ZBTB20: variants seen among roughly 807,000 people sequenced by gnomAD.
ZBTB20 encodes the protein zinc finger and BTB domain containing 20, also known as zinc finger and BTB domain-containing protein 20.
ZBTB20 carries 9 observed loss-of-function variants against 56.9 expected under a neutral mutation model. The observed-to-expected ratio is 0.16, with a 90% confidence interval of 0.10 to 0.28. The LOEUF (loss-of-function observed/expected upper bound fraction) is 0.28, where lower values mean the gene tolerates loss of function less well. ZBTB20 is among the 10% of genes least tolerant of loss of function. The pLI, the probability that ZBTB20 is intolerant of heterozygous loss-of-function variation, is 1.00. For synonymous variants in ZBTB20, 417 were observed against 420.7 expected (o/e 0.99, Z 0.11); for missense variants, 655 against 1,003.0 (o/e 0.65, Z 4.69).
At chr3:114,861,398 T>G (rs921747122) in intron 4 of ZBTB20, among the ~76,000 whole-genome samples, 10 of 152,188 alleles carry the variant, frequency 6.6e-5, no homozygotes, top group South Asian at 2.1e-4. Flanking sequence ...CACTATATAT[T>G]TGTCAAATAA....
intron 5 of ZBTB20, among the ~76,000 whole-genome samples, chr3:114,703,843 C>T (rs900391311): frequency 2.6e-5 from 4 of 152,090 alleles, no homozygotes; most frequent in Middle Eastern, 3.2e-3. Context: ...TACTGTAGAA[C>T]GAAACCAACT....
chr3:114,527,875 G>C (rs2047411045), intron 6 of ZBTB20, among the ~76,000 whole-genome samples: 1 of 152,044 alleles, frequency 6.6e-6, no homozygotes, highest in Non-Finnish European at 1.5e-5. Flanking sequence ...GTACACAGTA[G>C]AGTTTTCATT....
At chr3:114,523,452 A>G (rs2046866391) in intron 6 of ZBTB20, among the ~76,000 whole-genome samples, 1 of 152,166 alleles carries the variant, frequency 6.6e-6, no homozygotes, top group South Asian at 2.1e-4. Flanking sequence ...TATGGTTTAT[A>G]AGGGTATTTT....
intron 7 of ZBTB20, among the ~76,000 whole-genome samples, chr3:114,490,042 T>A (rs552798763): frequency 2.0e-5 from 3 of 152,280 alleles, no homozygotes; most frequent in African/African-American, 7.2e-5. Flanking sequence ...TATAGTACCC[T>A]GGTACGTTTC....
intron 5 of ZBTB20, among the ~76,000 whole-genome samples, chr3:114,741,549 T>C (rs1397599356): frequency 6.6e-6 from 1 of 152,130 alleles, no homozygotes. Flanking sequence ...AAAAATTTGT[T>C]ACCTACTCAT....
intron 2 of ZBTB20, among the ~76,000 whole-genome samples, chr3:115,030,010 T>C (rs183157291): frequency 4.7e-4 from 71 of 151,174 alleles, no homozygotes; most frequent in African/African-American, 1.6e-3. Flanking sequence ...CAGAGTATCA[T>C]ATAGCAGCTG....
At chr3:114,988,014 CTTCTT>C (rs2078620531) in intron 2 of ZBTB20, among the ~76,000 whole-genome samples, 1 of 149,760 alleles carries the variant, frequency 6.7e-6, no homozygotes, top group African/African-American at 2.5e-5. Context: ...TCCCTATCGT[CTTCTT>C]TTTTTTTCTT....
intron 1 of ZBTB20, among the ~76,000 whole-genome samples, chr3:115,139,006 T>C (rs2084734710): frequency 6.6e-6 from 1 of 152,058 alleles, no homozygotes; most frequent in Non-Finnish European, 1.5e-5. Context: ...TTTGCATGCA[T>C]TGAAGCATTC....
intron 2 of ZBTB20, among the ~76,000 whole-genome samples, chr3:115,040,709 G>T (rs1560517425): frequency 6.6e-6 from 1 of 152,100 alleles, no homozygotes; most frequent in Non-Finnish European, 1.5e-5. Flanking sequence ...ACAAAGAAAT[G>T]TTTTCAAGTA....
chr3:114,797,736 T>G (rs1320596830), intron 5 of ZBTB20, among the ~76,000 whole-genome samples: 1 of 151,924 alleles, frequency 6.6e-6, no homozygotes, highest in African/African-American at 2.4e-5. Context: ...GGTATCACCA[T>G]GTCTCGATTC....
chr3:114,818,037 A>C (rs2073042124), intron 4 of ZBTB20, among the ~76,000 whole-genome samples: 1 of 152,184 alleles, frequency 6.6e-6, no homozygotes, highest in African/African-American at 2.4e-5. Context: ...GAGTTGCCCC[A>C]ATATCACATA....
Position 115,096,970 on chromosome 3 carries a change from A to G in ZBTB20, c.-702-25556T>C, listed in dbSNP as rs542385170. Among the ~76,000 whole-genome samples, 12 of 152,334 alleles carry G rather than the reference A, an allele frequency of 7.9e-5. 1 individual carries two copies. In the East Asian group the frequency reaches 1.7e-3, roughly 22 times the overall value. On this transcript the variant is annotated intron_variant, in intron 1 of 11. Coordinates refer to ENST00000675478, the MANE Select transcript of ZBTB20 (RefSeq NM_001348800.3). Reference sequence around the variant, plus strand: ...TGCAGCTGCTATCCTTTTGATGAATATAGGCTTCTGGAGATAAAAATGTGC... The same window carrying G: ...TGCAGCTGCTATCCTTTTGATGAATGTAGGCTTCTGGAGATAAAAATGTGC...
chr3:115,124,391 T>C (rs942496507), intron 1 of ZBTB20, among the ~76,000 whole-genome samples: 4 of 152,196 alleles, frequency 2.6e-5, no homozygotes, highest in Non-Finnish European at 5.9e-5. Flanking sequence ...ACAAAGCAGT[T>C]ACTGTAAGAA....
At chr3:114,903,336 G>A (rs1271191133) in intron 3 of ZBTB20, among the ~76,000 whole-genome samples, 1 of 152,064 alleles carries the variant, frequency 6.6e-6, no homozygotes, top group Non-Finnish European at 1.5e-5. Context: ...CCAGCCATGA[G>A]GTAAGCATTT....
chr3:114,955,007 A>G (rs2077198493), intron 3 of ZBTB20, among the ~76,000 whole-genome samples: 1 of 152,200 alleles, frequency 6.6e-6, no homozygotes. Context: ...TCTGCCAAGT[A>G]GAACTTTGAA....
intron 3 of ZBTB20, among the ~76,000 whole-genome samples, chr3:114,901,927 T>C (rs2075136725): frequency 6.6e-6 from 1 of 152,120 alleles, no homozygotes; most frequent in Non-Finnish European, 1.5e-5. Flanking sequence ...TAGTTAATTA[T>C]CTACAATAAG....
chr3:114,927,203 C>A (rs528755963), intron 3 of ZBTB20, among the ~76,000 whole-genome samples: 17 of 152,252 alleles, frequency 1.1e-4, no homozygotes, highest in African/African-American at 3.1e-4. Context: ...AGAATGCAAC[C>A]ATTTGTTTCT....
At chr3:114,559,658 C>T (rs987222896) in intron 6 of ZBTB20, among the ~76,000 whole-genome samples, 12 of 152,132 alleles carry the variant, frequency 7.9e-5, no homozygotes, top group African/African-American at 2.9e-4. Context: ...TTCTTAACCT[C>T]CCTAGGTAGA....
At chr3:114,396,869 C>A (rs1576582901) in intron 7 of ZBTB20, among the ~76,000 whole-genome samples, 1 of 152,056 alleles carries the variant, frequency 6.6e-6, no homozygotes, top group African/African-American at 2.4e-5. Flanking sequence ...GACTTTATCA[C>A]CCCTTTTCTT....
Sources: gnomAD v4.1 joint callset for allele counts (sites outside exome capture counted in the v4.1 genomes callset) on GRCh38, gnomAD v4.1.1 for gene constraint, MANE v1.5 for transcripts, NCBI Gene and HGNC (gene_info 2026-07-23, HGNC 2026-07-21) for gene names.